IFT80: variants seen among roughly 807,000 people sequenced by gnomAD.
The protein encoded by IFT80 is intraflagellar transport protein 80 homolog.
IFT80 carries 79 observed loss-of-function variants against 107.9 expected under a neutral mutation model. The ratio of observed to expected loss-of-function variants is 0.73; its 90% CI spans 0.61 to 0.88. The LOEUF is 0.88. Among genes scored for constraint, IFT80 ranks in the 40% least tolerant of loss-of-function variants. IFT80 has a pLI of 0.00. For missense variants in IFT80, 797 were observed against 914.2 expected (o/e 0.87, Z 1.65); for synonymous variants, 299 against 300.9 (o/e 0.99, Z 0.07).
In IFT80 at chr3:160,303,904, T is replaced by C. The variant is rs751825516; in HGVS notation, c.1151+11A>G. The C allele has an allele frequency of 2.6e-6, 4 of 1,555,976 alleles. No homozygotes were observed. The highest frequency in any genetic ancestry group is 1.4e-5 in the African/African-American group (1 of 73,646). ...TAACCCCAGATCCAGTAGTTAAACATAATAAATTACCTTTCTGCCTGCAGA... is the reference window on the plus strand; with the variant it reads ...TAACCCCAGATCCAGTAGTTAAACACAATAAATTACCTTTCTGCCTGCAGA... On this transcript the variant is annotated intron_variant, in intron 11 of 19. Transcript: ENST00000326448.
chr3:160,313,860 G>A (rs564533249), intron 9 of IFT80, among the ~76,000 whole-genome samples: 69 of 151,980 alleles, frequency 4.5e-4, no homozygotes, highest in South Asian at 4.4e-3. Context: ...CACCCGCCTC[G>A]GCCTCCCAAA....
At chr3:160,333,463 C>T (rs560506336) in intron 8 of IFT80, among the ~76,000 whole-genome samples, 4 of 152,240 alleles carry the variant, frequency 2.6e-5, no homozygotes, top group East Asian at 3.9e-4. Flanking sequence ...AAATAAAACA[C>T]GTTGTGACAG....
chr3:160,271,655 C>A (rs1331952694), intron 18 of IFT80, among the ~76,000 whole-genome samples: 1 of 152,088 alleles, frequency 6.6e-6, no homozygotes, highest in African/African-American at 2.4e-5. Flanking sequence ...ACCAGCAAGA[C>A]TATGCTTCTC....
At chr3:160,280,577 C>G in intron 15 of IFT80, 90 bp downstream of exon 15, 1 of 1,096,058 alleles carries the variant, frequency 9.1e-7, no homozygotes, top group South Asian at 1.3e-5. Context: ...GTGTAAAACA[C>G]CTTGCAGGAT....
intron 18 of IFT80, among the ~76,000 whole-genome samples, chr3:160,269,287 C>T (rs1002021245): frequency 6.6e-6 from 1 of 151,656 alleles, no homozygotes; most frequent in African/African-American, 2.4e-5. Context: ...TGAAATTCCC[C>T]ACAGTGTAAG....
chr3:160,314,232 T>C (rs1717621637), intron 9 of IFT80, among the ~76,000 whole-genome samples: 1 of 152,200 alleles, frequency 6.6e-6, no homozygotes, highest in South Asian at 2.1e-4. Context: ...TGAACTTTGA[T>C]GACTATTAAA....
intron 9 of IFT80, among the ~76,000 whole-genome samples, chr3:160,311,032 G>A (rs940777995): frequency 6.6e-6 from 1 of 152,162 alleles, no homozygotes; most frequent in African/African-American, 2.4e-5. Flanking sequence ...GGCTGAAATG[G>A]GAGGATCGTT....
chr3:160,268,681 T>G, intron 18 of IFT80, 145 bp from the exon 19 acceptor site: 1 of 762,164 alleles, frequency 1.3e-6, no homozygotes, highest in Non-Finnish European at 2.2e-6. Context: ...TCATCCATCT[T>G]GCAAATTCCT....
chr3:160,360,763 T>A (rs1721432135), intron 6 of IFT80, among the ~76,000 whole-genome samples: 1 of 152,130 alleles, frequency 6.6e-6, no homozygotes. Flanking sequence ...AAACTAAGCT[T>A]CATAAGTGAA....
intron 8 of IFT80, among the ~76,000 whole-genome samples, chr3:160,337,137 AT>A (rs1719548167): frequency 6.6e-6 from 1 of 152,128 alleles, no homozygotes; most frequent in Non-Finnish European, 1.5e-5. Flanking sequence ...ACTATGCTGT[AT>A]CTTTCACATC....
chr3:160,376,012 A>C (rs1470713679), intron 4 of IFT80, 132 bp from the exon 5 acceptor site: 3 of 630,154 alleles, frequency 4.8e-6, no homozygotes, highest in Non-Finnish European at 8.5e-6. Flanking sequence ...AAATCATGGA[A>C]TATTACTACA....
At chr3:160,304,983 A>T (rs959957102) in intron 10 of IFT80, among the ~76,000 whole-genome samples, 4 of 152,246 alleles carry the variant, frequency 2.6e-5, no homozygotes, top group Non-Finnish European at 2.9e-5. Flanking sequence ...ATATAAATGT[A>T]AGCCATGAAC....
Position 160,342,986 on chromosome 3 carries a change from T to C in IFT80, c.777+13027A>G, listed in dbSNP as rs11916044. 1.3e-3 allele frequency: 205 copies of C among 154,644 alleles called. 1 individual carries two copies. Among genetic ancestry groups the C allele is most frequent in the African/African-American group, 4.6e-3 (193 of 41,590 alleles). The allele number at this position is 154,644 out of a possible 1,614,324, so 9.6% of individuals were successfully genotyped here. On this transcript the variant is annotated intron_variant, in intron 8 of 19. Transcript: ENST00000326448. ...TGCTAAGGCCACTGGACACAGAATC[T>C]GTGTGATGCTGTACCCTTCAAGGAT...
intron 6 of IFT80, among the ~76,000 whole-genome samples, chr3:160,359,434 G>C (rs1721335935): frequency 6.6e-6 from 1 of 152,192 alleles, no homozygotes; most frequent in Admixed American, 6.5e-5. Context: ...GATCGACACA[G>C]AAGACGGGTG....
rs1006213931 is a variant in IFT80, at chr3:160,279,069, T to G, written c.1836+124A>C. The G allele has an allele frequency of 4.1e-6, 3 of 727,122 alleles. No homozygotes were observed. The Admixed American group carries it at 7.7e-5, about 19-fold the overall frequency. The allele number at this position is 727,122 out of a possible 1,614,324, so 45.0% of individuals were successfully genotyped here. A position where few individuals can be genotyped will look rare whatever the true frequency, so the allele number is the denominator to read the frequency against. ...TCTGTATTGCCCATGTCTTTACTTA[T>G]AAAAAAAGACATGATCTTATTCACA... On this transcript the variant is annotated intron_variant, in intron 16 of 19. Transcript: ENST00000326448.
At chr3:160,333,102 A>G (rs1391359450) in intron 8 of IFT80, among the ~76,000 whole-genome samples, 1 of 152,254 alleles carries the variant, frequency 6.6e-6, no homozygotes. Flanking sequence ...ACTGTCACAC[A>G]ACGATAGTAG....
At chr3:160,284,383 T>C (rs1350685647) in intron 13 of IFT80, among the ~76,000 whole-genome samples, 1 of 152,176 alleles carries the variant, frequency 6.6e-6, no homozygotes, top group Non-Finnish European at 1.5e-5. Context: ...CCTTTTGATA[T>C]GCTTAATCTT....
intron 12 of IFT80, among the ~76,000 whole-genome samples, chr3:160,291,613 C>T (rs1243348824): frequency 6.6e-6 from 1 of 152,156 alleles, no homozygotes; most frequent in African/African-American, 2.4e-5. Context: ...AAGGTGAAAA[C>T]AAATAAGCGT....
At chr3:160,313,083 A>AATATATATT in intron 9 of IFT80, among the ~76,000 whole-genome samples, 2 of 109,952 alleles carry the variant, frequency 1.8e-5, no homozygotes, top group Non-Finnish European at 1.7e-5. Flanking sequence ...TATTTTATAT[A>AATATATATT]ATATATATTT....
Sources: gnomAD v4.1 joint callset for allele counts (sites outside exome capture counted in the v4.1 genomes callset) on GRCh38, gnomAD v4.1.1 for gene constraint, MANE v1.5 for transcripts, NCBI Gene and HGNC (gene_info 2026-07-23, HGNC 2026-07-21) for gene names.